Variants in RGS19 observed in about 807,000 individuals in gnomAD.
RGS19 encodes the protein G alpha interacting protein.
Under a neutral mutation model 22.0 loss-of-function variants are expected in RGS19, and 9 were observed. That is an observed-to-expected ratio of 0.41 (90% CI 0.25 to 0.71). RGS19 has a LOEUF of 0.71. RGS19 is among the 30% of genes least tolerant of loss of function. The pLI, the probability that RGS19 is intolerant of heterozygous loss-of-function variation, is 0.32. For synonymous variants in RGS19, 130 were observed against 127.3 expected (o/e 1.02, Z -0.14); for missense variants, 256 against 307.1 (o/e 0.83, Z 1.24).
At position 64,074,196 on chromosome 20, in the gene RGS19, TC is replaced by T; in HGVS notation, c.409del (p.Glu137ArgfsTer19). The part of the protein sequence containing the change: ...KAEANQHVVD[E>X]KARLIYEDYV... ...GTCCTCGTAGATGAGCCTCGCCTTC[TC>T]GTCTACCACATGCTGGTTGGCCTCG... On this transcript the variant is annotated frameshift_variant, in exon 5 of 6. Transcript: ENST00000395042. LOFTEE classifies it high-confidence loss of function. 6.2e-7 allele frequency: 1 copy of T among 1,614,078 alleles called. No individual in the cohort carries two copies.
At chr20:64,077,988 C>A (rs2059917926) in intron 1 of RGS19, among the ~76,000 whole-genome samples, 1 of 152,208 alleles carries the variant, frequency 6.6e-6, no homozygotes, top group Admixed American at 6.5e-5. Flanking sequence ...GTGCCGCCAC[C>A]CTCCCTGGCC....
chr20:64,074,774 C>T (rs2059891956), intron 3 of RGS19, among the ~76,000 whole-genome samples: 2 of 152,264 alleles, frequency 1.3e-5, no homozygotes, highest in African/African-American at 4.8e-5. Context: ...GTCCAGGTTA[C>T]TGTCCCTGCC....
chr20:64,075,904 G>A lies in RGS19; in HGVS notation c.152+621C>T, dbSNP rs62218096. 2.4e-3 allele frequency among the ~76,000 whole-genome samples: 364 copies of A among 149,760 alleles called. No homozygotes were observed. Among genetic ancestry groups the A allele is most frequent in the Non-Finnish European group, 3.1e-3 (208 of 67,468 alleles). The stretch of plus-strand genomic sequence containing the variant: ...TTCTTTCTTTTTTTTTTTTTGAGAC[G>A]GAGTTTTGCTCTTGTTGCCCAGGCT... On this transcript the variant is annotated intron_variant, in intron 3 of 5. Transcript: ENST00000395042. The surrounding 1 kb of genome is among the most constrained non-coding windows in gnomAD (Gnocchi z 4.6).
In RGS19 at chr20:64,074,131, G is replaced by T; in HGVS notation, c.462+13C>A. On this transcript the variant is annotated intron_variant, in intron 5 of 5. Coordinates refer to ENST00000395042, the MANE Select transcript of RGS19 (RefSeq NM_005873.3). ...AGCAGGCGGCCCCCGGCCTGTTCTG[G>T]TGTCTGGCGCACCTCCTTGGGGGAC... The T allele has an allele frequency of 6.2e-7, 1 of 1,610,308 alleles. No individual in the cohort carries two copies. Among genetic ancestry groups the T allele is most frequent in the Non-Finnish European group, 8.5e-7 (1 of 1,177,038 alleles).
intron 3 of RGS19, 124 bp from the exon 4 acceptor site, chr20:64,074,665 G>C (rs11905264): frequency 0.015 from 13,261 of 885,934 alleles, 320 homozygotes; most frequent in African/African-American, 0.093. Context: ...AGCCCCTGCA[G>C]GCACCTGACA....
chr20:64,077,382 G>C (rs1224241990), intron 1 of RGS19, among the ~76,000 whole-genome samples: 2 of 152,114 alleles, frequency 1.3e-5, no homozygotes, highest in African/African-American at 4.8e-5. Context: ...TGGGGAGTGG[G>C]CAGAGTGGCT....
chr20:64,074,222 G>A lies in RGS19; in HGVS notation c.384C>T (p.Ala128=), dbSNP rs148013345. ...LFWLACEELK[A]EANQHVVDEK... ...CGTCTACCACATGCTGGTTGGCCTC[G>A]GCCTTCAGCTCCTCGCAGGCCAACC... The change falls in exon 5 of 6, where the codon GCC becomes GCT. Residue 128 remains alanine, a synonymous_variant. Transcript: ENST00000395042. 286 of 1,613,964 alleles carry A rather than the reference G, an allele frequency of 1.8e-4. No individual in the cohort carries two copies. In the African/African-American group the frequency reaches 3.2e-3, roughly 18 times the overall value.
At chr20:64,078,211 A>G (rs143190859) in intron 1 of RGS19, among the ~76,000 whole-genome samples, 2 of 152,362 alleles carry the variant, frequency 1.3e-5, no homozygotes, top group Middle Eastern at 3.4e-3. Context: ...TGCAGAGGCC[A>G]CTGCCCTGGC....
At chr20:64,077,030 G>A (rs1340014259) in intron 1 of RGS19, 76 bp from the exon 2 acceptor site, 2 of 759,042 alleles carry the variant, frequency 2.6e-6, no homozygotes, top group Non-Finnish European at 4.0e-6. Flanking sequence ...GGGGTCCTGA[G>A]AGGGTGTCTC....
chr20:64,074,408 GCCCGAGT>G (rs1245622131), intron 4 of RGS19, 30 bp from the exon 5 acceptor site: 2 of 1,585,428 alleles, frequency 1.3e-6, no homozygotes, highest in Non-Finnish European at 1.7e-6. Flanking sequence ...GCTATGTCAG[GCCCGAGT>G]CTCCCGGTCT....
chr20:64,073,969 C>T lies in RGS19; in HGVS notation c.538G>A (p.Ala180Thr). Residue 180 changes from alanine to threonine, a missense_variant, in exon 6 of 6, where the codon GCG becomes ACG. By Grantham distance (58) the Ala-to-Thr change is moderately conservative. Coordinates refer to ENST00000395042, the MANE Select transcript of RGS19 (RefSeq NM_005873.3). ...QEPSAHTFDDAQLQIYTLMHR... is the reference protein window; with the variant it reads ...QEPSAHTFDDTQLQIYTLMHR... ...ATGAGCGTGTAGATCTGCAGCTGCG[C>T]GTCGTCGAACGTGTGTGCGGACGGC... 4 of 1,605,006 alleles carry T rather than the reference C, an allele frequency of 2.5e-6. No individual in the cohort carries two copies. Among genetic ancestry groups the T allele is most frequent in the Non-Finnish European group, 2.6e-6 (3 of 1,175,194 alleles).
intron 1 of RGS19, 56 bp from the exon 2 acceptor site, chr20:64,077,010 C>T: frequency 1.0e-6 from 1 of 961,002 alleles, no homozygotes; most frequent in Non-Finnish European, 1.5e-6. Context: ...CCCCTGCCTA[C>T]CCCTTAGGAG....
chr20:64,079,198 G>C lies in RGS19; in HGVS notation c.-69+96C>G, dbSNP rs1248000982. The C allele has an allele frequency of 6.6e-6, 1 of 152,226 alleles. No individual in the cohort carries two copies. The highest frequency in any genetic ancestry group is 1.5e-5 in the Non-Finnish European group (1 of 68,106). The allele number at this position is 152,226 out of a possible 1,614,324, so 9.4% of individuals were successfully genotyped here. A position where few individuals can be genotyped will look rare whatever the true frequency, so the allele number is the denominator to read the frequency against. ...CACCCACCACGCTCCTCTCTCTGCT[G>C]TTAGGGTCCAGTCTGGAGAAGCCTG... On this transcript the variant is annotated intron_variant, in intron 1 of 5. Transcript: ENST00000395042. The surrounding 1 kb of genome is among the most constrained non-coding windows in gnomAD (Gnocchi z 5.1).
rs536561368 is a variant in RGS19 at position 64,075,613 on chromosome 20, G to C, written c.152+912C>G. ...TCAGCCAGGGCCTGAAGCCTGAATAGGGCCAGGCTTCTGCAAGGTGTGAAA... is the reference window on the plus strand; with the variant it reads ...TCAGCCAGGGCCTGAAGCCTGAATACGGCCAGGCTTCTGCAAGGTGTGAAA... On this transcript the variant is annotated intron_variant, in intron 3 of 5. Coordinates refer to ENST00000395042, the MANE Select transcript of RGS19 (RefSeq NM_005873.3). The surrounding 1 kb of genome is among the most constrained non-coding windows in gnomAD (Gnocchi z 4.6). Among the ~76,000 whole-genome samples the C allele has an allele frequency of 9.9e-5, 15 of 152,146 alleles. No homozygotes were observed. The East Asian group carries it at 2.9e-3, about 29-fold the overall frequency.
chr20:64,074,432 C>T (rs758485477), intron 4 of RGS19, 35 bp downstream of exon 4: 2 of 1,574,252 alleles, frequency 1.3e-6, no homozygotes, highest in East Asian at 2.3e-5. Context: ...GTCTGGGGCC[C>T]CCCCAGCACG....
rs1207274637 is a variant in RGS19 at position 64,079,145 on chromosome 20, C to T, written c.-69+149G>A. On this transcript the variant is annotated intron_variant, in intron 1 of 5. Coordinates refer to ENST00000395042, the MANE Select transcript of RGS19 (RefSeq NM_005873.3). The surrounding 1 kb of genome is among the most constrained non-coding windows in gnomAD (Gnocchi z 5.1). ...GGCCCCTCCAGGGAAGGCCAGCTCT[C>T]CCCACCTCTGAAATGGTGGTGGTGG... 2 of 152,210 alleles carry T rather than the reference C, an allele frequency of 1.3e-5. No individual in the cohort carries two copies. Among genetic ancestry groups the T allele is most frequent in the Admixed American group, 6.5e-5 (1 of 15,292 alleles). 9.4% of individuals were successfully genotyped at this position (152,210 alleles called of 1,614,324 possible). A position where few individuals can be genotyped will look rare whatever the true frequency, so the allele number is the denominator to read the frequency against.
In RGS19 at chr20:64,076,842, G is replaced by A; in HGVS notation, c.30+15C>T. 1.3e-6 allele frequency: 2 copies of A among 1,572,432 alleles called. No homozygotes were observed. The highest frequency in any genetic ancestry group is 8.6e-7 in the Non-Finnish European group (1 of 1,166,660). ...CTCCCCCAGGGGAGCAGAGGCAGAG[G>A]GGGAGGTGGCATACCTGCTTCTCAG... On this transcript the variant is annotated intron_variant, in intron 2 of 5. Transcript: ENST00000395042.
At position 64,073,606 on chromosome 20, in the gene RGS19, C is replaced by T. The variant is rs375218796; in HGVS notation, c.*247G>A. The T allele has an allele frequency of 1.3e-5, 6 of 473,428 alleles. No individual in the cohort carries two copies. The highest frequency in any genetic ancestry group is 6.9e-5 in the East Asian group (2 of 28,984). The allele number at this position is 473,428 out of a possible 1,614,324, so 29.3% of individuals were successfully genotyped here. A position where few individuals can be genotyped will look rare whatever the true frequency, so the allele number is the denominator to read the frequency against. On this transcript the variant is annotated 3_prime_UTR_variant, in exon 6 of 6. Transcript: ENST00000395042. ...CCAGGAGCACTGGGCCAGCCAGCTG[C>T]GGGCCGATGAGGGGGCTTCTGGCCC...
rs1204214792 is a variant in RGS19, at chr20:64,073,575, C to T, written c.*278G>A. 3 of 420,984 alleles carry T rather than the reference C, an allele frequency of 7.1e-6. No individual in the cohort carries two copies. The highest frequency in any genetic ancestry group is 8.2e-5 in the Admixed American group (2 of 24,476). 26.1% of individuals were successfully genotyped at this position (420,984 alleles called of 1,614,324 possible). On this transcript the variant is annotated 3_prime_UTR_variant, in exon 6 of 6. Coordinates refer to ENST00000395042, the MANE Select transcript of RGS19 (RefSeq NM_005873.3). ...ACCCCTACTCTCACCACGCAAGAGC[C>T]CCCAGCCAGGAGCACTGGGCCAGCC...
Sources: allele counts gnomAD v4.1 joint callset (sites outside exome capture counted in the v4.1 genomes callset), GRCh38; gene constraint gnomAD v4.1.1; non-coding constraint Gnocchi (gnomAD v3.1); transcripts MANE v1.5; gene names NCBI Gene and HGNC (gene_info 2026-07-23, HGNC 2026-07-21).